Variants in DAPK1 observed in about 807,000 individuals in gnomAD.
DAPK1 encodes the protein death-associated protein kinase 1.
Under a neutral mutation model 144.9 loss-of-function variants are expected in DAPK1, and 56 were observed. The observed-to-expected ratio is 0.39, with a 90% confidence interval of 0.31 to 0.48. The LOEUF (loss-of-function observed/expected upper bound fraction) is 0.48. DAPK1 is among the 20% of genes least tolerant of loss of function. The probability of loss-of-function intolerance (pLI) is 0.95; values close to 1 mark genes in which losing one functional copy is unlikely to be tolerated. For synonymous variants in DAPK1, 690 were observed against 749.0 expected (o/e 0.92, Z 1.29); for missense variants, 1,454 against 1,875.4 (o/e 0.78, Z 4.15).
At chr9:87,521,984 C>G (rs1189602546) in intron 2 of DAPK1, among the ~76,000 whole-genome samples, 1 of 152,194 alleles carries the variant, frequency 6.6e-6, no homozygotes, top group Admixed American at 6.5e-5. Flanking sequence ...ATTTAGTGAG[C>G]ATTTTCTTGC....
chr9:87,697,773 C>G (rs1288608553), intron 22 of DAPK1, among the ~76,000 whole-genome samples: 1 of 152,108 alleles, frequency 6.6e-6, no homozygotes, highest in African/African-American at 2.4e-5. Context: ...GCCCACATGG[C>G]AAAACCTCAT....
At chr9:87,642,240 AG>A (rs1830123483) in intron 10 of DAPK1, among the ~76,000 whole-genome samples, 182 bp downstream of exon 10, 1 of 152,228 alleles carries the variant, frequency 6.6e-6, no homozygotes, top group Non-Finnish European at 1.5e-5. Flanking sequence ...ACAATATTTT[AG>A]TCACTTTAAC....
intron 19 of DAPK1, among the ~76,000 whole-genome samples, chr9:87,674,514 CAAAAAAAAAAAAA>C (rs35817698): frequency 1.5e-5 from 1 of 67,622 alleles, no homozygotes; most frequent in South Asian, 6.8e-4. Context: ...GACTCTGTCT[CAAAAAAAAAAAAA>C]AAAAAAAAAA....
chr9:87,613,894 G>T (rs559155910), intron 3 of DAPK1, among the ~76,000 whole-genome samples: 1 of 152,246 alleles, frequency 6.6e-6, no homozygotes, highest in Admixed American at 6.5e-5. Context: ...CAGCTCTTTT[G>T]ACTTTTTGAA....
intron 19 of DAPK1, among the ~76,000 whole-genome samples, chr9:87,670,396 C>T (rs910464716): frequency 2.0e-5 from 3 of 152,136 alleles, no homozygotes; most frequent in African/African-American, 7.2e-5. Context: ...CTGGTTTTTG[C>T]ACAGGCTAAA....
At chr9:87,664,014 C>G in intron 18 of DAPK1, among the ~76,000 whole-genome samples, 1 of 152,078 alleles carries the variant, frequency 6.6e-6, no homozygotes, top group East Asian at 1.9e-4. Flanking sequence ...TTAGTCTCCT[C>G]CAGACCAGTC....
At chr9:87,594,089 C>T (rs1828234274) in intron 2 of DAPK1, among the ~76,000 whole-genome samples, 1 of 152,128 alleles carries the variant, frequency 6.6e-6, no homozygotes, top group Non-Finnish European at 1.5e-5. Flanking sequence ...TTTTAGTCTC[C>T]ATAAAACTGG....
At chr9:87,557,482 A>G (rs1826761684) in intron 2 of DAPK1, among the ~76,000 whole-genome samples, 2 of 152,250 alleles carry the variant, frequency 1.3e-5, no homozygotes, top group South Asian at 4.1e-4. Flanking sequence ...TTAAGGAATT[A>G]TGAATTTAAA....
intron 2 of DAPK1, among the ~76,000 whole-genome samples, chr9:87,526,629 T>C (rs1234834041): frequency 6.6e-6 from 1 of 152,212 alleles, no homozygotes; most frequent in Admixed American, 6.5e-5. Flanking sequence ...TAGAGAATCA[T>C]TGTGATTCTA....
chr9:87,655,706 T>G (rs1321047006), intron 17 of DAPK1, among the ~76,000 whole-genome samples: 2 of 152,180 alleles, frequency 1.3e-5, no homozygotes, highest in African/African-American at 4.8e-5. Context: ...CATATGGAAA[T>G]CAGGAGAGTG....
At chr9:87,534,307 G>A (rs962816595) in intron 2 of DAPK1, among the ~76,000 whole-genome samples, 3 of 148,778 alleles carry the variant, frequency 2.0e-5, no homozygotes, top group African/African-American at 7.4e-5. Context: ...TGGCTTGACA[G>A]TTTTGAAATT....
chr9:87,564,609 AG>A (rs1827049379), intron 2 of DAPK1, among the ~76,000 whole-genome samples: 1 of 147,500 alleles, frequency 6.8e-6, no homozygotes, highest in Non-Finnish European at 1.5e-5. Context: ...AGAGAGAGAG[AG>A]GAGGAAGGAG....
chr9:87,567,695 A>AT (rs1459592866), intron 2 of DAPK1, among the ~76,000 whole-genome samples: 1 of 151,998 alleles, frequency 6.6e-6, no homozygotes, highest in Non-Finnish European at 1.5e-5. Flanking sequence ...AGTGCTGGAG[A>AT]TGGAGTTGTT....
At chr9:87,604,917 T>A (rs745991101) in intron 2 of DAPK1, 37 bp from the exon 3 acceptor site, 36 of 1,595,270 alleles carry the variant, frequency 2.3e-5, no homozygotes, top group Non-Finnish European at 2.7e-5. Flanking sequence ...CTGTTTTTTT[T>A]ATGAACGATA....
chr9:87,599,024 CA>C (rs1828420934), intron 2 of DAPK1, among the ~76,000 whole-genome samples: 5 of 152,196 alleles, frequency 3.3e-5, no homozygotes, highest in Admixed American at 3.3e-4. Flanking sequence ...GATTTAACCA[CA>C]AACCCCTGCC....
chr9:87,560,054 G>A lies in DAPK1; in HGVS notation c.63-44900G>A, dbSNP rs574807877. Among the ~76,000 whole-genome samples, 422 of 149,836 alleles carry A rather than the reference G, an allele frequency of 2.8e-3. 4 individuals carry two copies. Among genetic ancestry groups the A allele is most frequent in the African/African-American group, 0.01 (413 of 40,640 alleles). ...GAGTCTTGCTCTGTCGCCCAGGCTC[G>A]ATCTTGGCTCACTGCAACCTCCTCC... On this transcript the variant is annotated intron_variant, in intron 2 of 25. Transcript: ENST00000408954.
chr9:87,503,901 A>G (rs1316119719), intron 2 of DAPK1, among the ~76,000 whole-genome samples: 1 of 152,250 alleles, frequency 6.6e-6, no homozygotes, highest in Non-Finnish European at 1.5e-5. Flanking sequence ...TTGGAAGCTA[A>G]TAATTCAAGT....
intron 2 of DAPK1, among the ~76,000 whole-genome samples, chr9:87,551,411 G>T (rs1426382241): frequency 6.6e-6 from 1 of 152,210 alleles, no homozygotes; most frequent in Admixed American, 6.5e-5. Context: ...CTCCCAAAGT[G>T]CTGGGATTAC....
chr9:87,601,110 A>C (rs1828499746), intron 2 of DAPK1, among the ~76,000 whole-genome samples: 1 of 152,238 alleles, frequency 6.6e-6, no homozygotes, highest in Non-Finnish European at 1.5e-5. Flanking sequence ...AAGCGGGTCC[A>C]GGCCCAGCTG....
Sources: allele counts gnomAD v4.1 joint callset (sites outside exome capture counted in the v4.1 genomes callset), GRCh38; gene constraint gnomAD v4.1.1; transcripts MANE v1.5; gene names NCBI Gene and HGNC (gene_info 2026-07-23, HGNC 2026-07-21).